Variants in NFATC1 observed in about 807,000 individuals in gnomAD.
NFATC1 encodes the protein nuclear factor of activated T cells 1.
NFATC1 carries 22 observed loss-of-function variants against 76.0 expected under a neutral mutation model. The ratio of observed to expected loss-of-function variants is 0.29; its 90% confidence interval spans 0.21 to 0.41. The LOEUF (loss-of-function observed/expected upper bound fraction) is 0.41. NFATC1 is among the 10% of genes least tolerant of loss of function. The pLI, the probability that NFATC1 is intolerant of heterozygous loss-of-function variation, is 1.00. For missense variants in NFATC1, 1,357 were observed against 1,337.7 expected, an observed-to-expected ratio of 1.01 and a Z score of -0.23; for synonymous variants, 704 against 613.1, an observed-to-expected ratio of 1.15 and a Z score of -2.19.
At chr18:79,431,711 TG>T (rs2144653976) in intron 2 of NFATC1, among the ~76,000 whole-genome samples, 1 of 152,042 alleles carries the variant, frequency 6.6e-6, no homozygotes, top group East Asian at 1.9e-4. Flanking sequence ...TGTTGTTTGT[TG>T]TTTTTTTTTA....
chr18:79,398,667 A>C (rs1361896374), intron 1 of NFATC1, among the ~76,000 whole-genome samples: 1 of 152,276 alleles, frequency 6.6e-6, no homozygotes, highest in Non-Finnish European at 1.5e-5. Flanking sequence ...GCCTGGGGCC[A>C]CCAGCAGGCG....
chr18:79,478,869 T>C (rs1014509939), intron 8 of NFATC1, among the ~76,000 whole-genome samples: 2 of 152,168 alleles, frequency 1.3e-5, no homozygotes, highest in African/African-American at 4.8e-5. Context: ...GGACGGGCCC[T>C]CCGTGCCTTC....
At chr18:79,426,720 G>T (rs1485897362) in intron 2 of NFATC1, among the ~76,000 whole-genome samples, 3 of 152,264 alleles carry the variant, frequency 2.0e-5, no homozygotes, top group Non-Finnish European at 2.9e-5. Flanking sequence ...GGGTGTGGAG[G>T]TTGCATCTGG....
intron 3 of NFATC1, among the ~76,000 whole-genome samples, chr18:79,447,210 G>A (rs779430906): frequency 6.6e-6 from 1 of 152,216 alleles, no homozygotes; most frequent in Non-Finnish European, 1.5e-5. Context: ...CCGCCTCTTC[G>A]CCTGCCCGGG....
intron 1 of NFATC1, among the ~76,000 whole-genome samples, chr18:79,396,984 A>T (rs146093790): frequency 2.7e-4 from 41 of 152,174 alleles, no homozygotes; most frequent in Admixed American, 2.7e-3. Context: ...GCCAGAGAAG[A>T]TGTTTCAGGC....
intron 8 of NFATC1, among the ~76,000 whole-genome samples, chr18:79,477,792 T>C (rs1465744301): frequency 6.6e-6 from 1 of 152,240 alleles, no homozygotes; most frequent in Non-Finnish European, 1.5e-5. Context: ...GGTCGGGTTC[T>C]GGTGAGGACC....
chr18:79,442,136 C>T (rs1408334414), intron 3 of NFATC1, among the ~76,000 whole-genome samples: 11 of 152,172 alleles, frequency 7.2e-5, no homozygotes, highest in Non-Finnish European at 1.3e-4. Context: ...GGAGAGCAGC[C>T]GGGAGGGCAG....
At chr18:79,516,036 T>G (rs2090374179) in intron 9 of NFATC1, 1 of 151,600 alleles carries the variant, frequency 6.6e-6, no homozygotes, top group South Asian at 2.1e-4. Flanking sequence ...CCTGTCGGAA[T>G]CTCCCAGGCA....
At chr18:79,479,487 T>C (rs1469351916) in intron 8 of NFATC1, among the ~76,000 whole-genome samples, 1 of 152,262 alleles carries the variant, frequency 6.6e-6, no homozygotes, top group African/African-American at 2.4e-5. Flanking sequence ...CCATCTTCTC[T>C]GAAACCCACA....
intron 9 of NFATC1, among the ~76,000 whole-genome samples, chr18:79,520,779 G>GTCCA (rs1189579487): frequency 1.2e-5 from 1 of 83,912 alleles, no homozygotes. Context: ...ACTGATGTGT[G>GTCCA]TGTGTGTGGG....
intron 9 of NFATC1, among the ~76,000 whole-genome samples, chr18:79,515,566 C>G (rs2090360806): frequency 6.6e-6 from 1 of 151,930 alleles, no homozygotes; most frequent in South Asian, 2.1e-4. Context: ...AGCTTTTGAC[C>G]TCCTGCTGCT....
At chr18:79,450,872 G>A in intron 4 of NFATC1, 82 bp from the exon 5 acceptor site, 7 of 1,521,566 alleles carry the variant, frequency 4.6e-6, no homozygotes, top group Non-Finnish European at 6.2e-6. Context: ...CTGGGATGAG[G>A]GCCAGAGGGT....
At chr18:79,487,059 G>T in intron 9 of NFATC1, 122 bp downstream of exon 9, 2 of 1,164,304 alleles carry the variant, frequency 1.7e-6, no homozygotes, top group Non-Finnish European at 2.4e-6. Flanking sequence ...ACCGGGCAGG[G>T]TGTGGGGTGC....
chr18:79,510,148 T>A (rs1010480725), intron 9 of NFATC1, among the ~76,000 whole-genome samples: 2 of 152,096 alleles, frequency 1.3e-5, no homozygotes, highest in African/African-American at 4.8e-5. Context: ...AAGGAGGAAA[T>A]TCAGACAGGA....
intron 2 of NFATC1, among the ~76,000 whole-genome samples, chr18:79,413,612 G>A (rs1364610704): frequency 6.6e-6 from 1 of 152,230 alleles, no homozygotes; most frequent in Non-Finnish European, 1.5e-5. Context: ...CGCTGGGCAG[G>A]ACTCCATTAT....
At chr18:79,446,329 T>C (rs1387433426) in intron 3 of NFATC1, among the ~76,000 whole-genome samples, 2 of 152,150 alleles carry the variant, frequency 1.3e-5, no homozygotes, top group Non-Finnish European at 2.9e-5. Flanking sequence ...ACAGGGATCC[T>C]GGGGGAATTT....
Position 79,419,471 on chromosome 18 carries a change from GCCCGGGAGCCCCCC to G in NFATC1, c.1226+7971_1226+7984del, listed in dbSNP as rs1393224491. On this transcript the variant is annotated intron_variant, in intron 2 of 9. Coordinates refer to ENST00000427363, the MANE Select transcript of NFATC1 (RefSeq NM_001278669.2). ...CCCCTAGGAGGGCCGGCACCTGCCT[GCCCGGGAGCCCCCC>G]TAGGAGGGCCGGCACCTGCCTGCCC... is the stretch of plus-strand genomic sequence containing the variant. Among the ~76,000 whole-genome samples the G allele has an allele frequency of 6.4e-4, 96 of 149,032 alleles. 1 individual carries two copies. The highest frequency in any genetic ancestry group is 1.8e-4 in the Non-Finnish European group (12 of 66,806).
At chr18:79,453,823 C>A (rs1160795003) in intron 6 of NFATC1, among the ~76,000 whole-genome samples, 1 of 152,074 alleles carries the variant, frequency 6.6e-6, no homozygotes, top group African/African-American at 2.4e-5. Context: ...TTCATACACA[C>A]ACAAGCACAT....
intron 1 of NFATC1, among the ~76,000 whole-genome samples, chr18:79,406,157 C>T (rs1438518314): frequency 5.9e-5 from 9 of 152,234 alleles, no homozygotes; most frequent in African/African-American, 4.8e-5. Flanking sequence ...AAGACTTGCT[C>T]TGTTAATTGC....
Sources: gnomAD v4.1 joint callset for allele counts (sites outside exome capture counted in the v4.1 genomes callset) on GRCh38, gnomAD v4.1.1 for gene constraint, MANE v1.5 for transcripts, NCBI Gene and HGNC (gene_info 2026-07-23, HGNC 2026-07-21) for gene names.